Variants in PAPOLG observed in about 807,000 individuals in gnomAD.
PAPOLG encodes PAP-gamma.
In PAPOLG, 40 loss-of-function variants were observed where a neutral mutation model predicts 99.0. That is an observed-to-expected ratio of 0.40 (90% CI 0.31 to 0.53). The LOEUF is 0.53. Among genes scored for constraint, PAPOLG ranks in the 20% least tolerant of loss-of-function variants. The probability of loss-of-function intolerance (pLI) is 0.41; values close to 1 mark genes in which losing one functional copy is unlikely to be tolerated. For missense variants in PAPOLG, 675 were observed against 884.1 expected, an observed-to-expected ratio of 0.76 and a Z score of 3.00; for synonymous variants, 310 against 299.3, an observed-to-expected ratio of 1.04 and a Z score of -0.37.
chr2:60,783,037 T>C, intron 12 of PAPOLG, 119 bp from the exon 13 acceptor site: 2 of 956,930 alleles, frequency 2.1e-6, no homozygotes, highest in Non-Finnish European at 3.0e-6. Context: ...TTTCATAAAC[T>C]GTGTGCCTTT....
chr2:60,776,889 G>T (rs1671037029), intron 8 of PAPOLG, among the ~76,000 whole-genome samples: 1 of 152,138 alleles, frequency 6.6e-6, no homozygotes, highest in African/African-American at 2.4e-5. Flanking sequence ...TTGTTGTTTA[G>T]TGTAGCCACC....
intron 15 of PAPOLG, 142 bp from the exon 16 acceptor site, chr2:60,791,619 T>G: frequency 1.1e-6 from 1 of 890,984 alleles, no homozygotes; most frequent in South Asian, 2.0e-5. Context: ...TAAAAATATT[T>G]GTTTTGTGAG....
intron 15 of PAPOLG, 131 bp from the exon 16 acceptor site, chr2:60,791,630 A>C: frequency 1.0e-6 from 1 of 956,996 alleles, no homozygotes; most frequent in Non-Finnish European, 1.5e-6. Flanking sequence ...GTTTTGTGAG[A>C]GGGTTGTGGG....
intron 21 of PAPOLG, among the ~76,000 whole-genome samples, chr2:60,795,896 T>C (rs1054263930): frequency 2.0e-5 from 3 of 152,164 alleles, no homozygotes; most frequent in African/African-American, 7.2e-5. Flanking sequence ...GAAAAAATTT[T>C]GAGATGGATA....
intron 2 of PAPOLG, among the ~76,000 whole-genome samples, chr2:60,761,096 G>A (rs1242838139): frequency 1.3e-5 from 2 of 152,154 alleles, no homozygotes; most frequent in African/African-American, 4.8e-5. Flanking sequence ...GAGGGGTCAA[G>A]GATGATGGCC....
intron 19 of PAPOLG, 96 bp from the exon 20 acceptor site, chr2:60,794,614 A>G (rs1288215379): frequency 2.0e-6 from 2 of 999,950 alleles, no homozygotes; most frequent in Non-Finnish European, 3.0e-6. Context: ...TAATTTTTAT[A>G]ATAGTGTAAC....
intron 21 of PAPOLG, 39 bp from the exon 22 acceptor site, chr2:60,797,023 T>C (rs760984573): frequency 1.9e-6 from 3 of 1,611,848 alleles, no homozygotes; most frequent in African/African-American, 2.7e-5. Flanking sequence ...ATATATATGA[T>C]GTGCTTTTCC....
rs1671644308 is a variant in PAPOLG, at chr2:60,794,724, A to G, written c.2004A>G (p.Glu668=). The G allele has an allele frequency of 1.2e-6, 2 of 1,611,470 alleles. No homozygotes were observed. The highest frequency in any genetic ancestry group is 1.7e-6 in the Non-Finnish European group (2 of 1,177,928). Residue 668 remains glutamate, a synonymous_variant, in exon 20 of 22, where the codon GAA becomes GAG. Transcript: ENST00000238714. ...TTATATTTTAGTTTATTCGACTTGA[A>G]TCAACATTTAAGGACCCCCGCACTG... ...LKDVEKFIRL[E]STFKDPRTAE... is the part of the protein sequence containing the mutation.
chr2:60,777,360 G>A (rs973528486), intron 8 of PAPOLG, among the ~76,000 whole-genome samples: 2 of 152,164 alleles, frequency 1.3e-5, no homozygotes, highest in Admixed American at 1.3e-4. Context: ...GGAAGCTGAG[G>A]CAGGAGAATC....
intron 13 of PAPOLG, 29 bp downstream of exon 13, chr2:60,783,238 T>G: frequency 7.1e-7 from 1 of 1,398,812 alleles, no homozygotes; most frequent in Non-Finnish European, 9.9e-7. Flanking sequence ...GTTTTCTACC[T>G]ACTGTGTGGT....
At chr2:60,793,600 T>C in intron 17 of PAPOLG, 27 bp from the exon 18 acceptor site, 1 of 1,608,624 alleles carries the variant, frequency 6.2e-7, no homozygotes, top group Non-Finnish European at 8.5e-7. Context: ...AAATCATTTA[T>C]TGATGATAAT....
At chr2:60,786,497 C>G (rs558081973) in intron 13 of PAPOLG, among the ~76,000 whole-genome samples, 2 of 151,868 alleles carry the variant, frequency 1.3e-5, no homozygotes, top group African/African-American at 4.8e-5. Context: ...TTCCAAAGTG[C>G]TGGGATTACA....
chr2:60,779,130 T>G (rs1671117874), intron 8 of PAPOLG, among the ~76,000 whole-genome samples: 1 of 152,136 alleles, frequency 6.6e-6, no homozygotes, highest in African/African-American at 2.4e-5. Flanking sequence ...ATATCAGTGG[T>G]GTATTCTACT....
rs1481392987 is a variant in PAPOLG, at chr2:60,772,270, C to T, written c.604+640C>T. Among the ~76,000 whole-genome samples the T allele has an allele frequency of 2.6e-5, 4 of 151,942 alleles. No homozygotes were observed. The South Asian group carries it at 8.3e-4, about 31-fold the overall frequency. On this transcript the variant is annotated intron_variant, in intron 7 of 21. Coordinates refer to ENST00000238714, the MANE Select transcript of PAPOLG (RefSeq NM_022894.4). ...GACCAGCTAGGATAACATGGTGAAA[C>T]CCCATCTCTACCAAAAATAAAAAAC... is the stretch of plus-strand genomic sequence containing the variant.
intron 7 of PAPOLG, 151 bp downstream of exon 7, chr2:60,771,781 T>C: frequency 1.2e-6 from 1 of 819,398 alleles, no homozygotes; most frequent in Non-Finnish European, 1.8e-6. Context: ...CATTTAAGAA[T>C]CCTAAAAACC....
At chr2:60,759,924 A>G (rs1670473417) in intron 1 of PAPOLG, among the ~76,000 whole-genome samples, 1 of 152,190 alleles carries the variant, frequency 6.6e-6, no homozygotes, top group South Asian at 2.1e-4. Context: ...CATCCTAACC[A>G]TGAAAGCTGC....
chr2:60,782,555 T>G (rs1272059037), intron 11 of PAPOLG, 131 bp from the exon 12 acceptor site: 5 of 1,286,600 alleles, frequency 3.9e-6, no homozygotes, highest in Non-Finnish European at 4.9e-6. Flanking sequence ...AGACTCTGTC[T>G]CAAAAAAAGA....
At chr2:60,764,773 A>G (rs146617998) in intron 3 of PAPOLG, among the ~76,000 whole-genome samples, 141 of 152,214 alleles carry the variant, frequency 9.3e-4, no homozygotes, top group African/African-American at 3.3e-3. Flanking sequence ...TGTAGCTATG[A>G]TGAATATGTA....
chr2:60,793,528 C>A (rs1425052059), intron 17 of PAPOLG, 99 bp from the exon 18 acceptor site: 1 of 1,389,650 alleles, frequency 7.2e-7, no homozygotes, highest in Non-Finnish European at 9.8e-7. Context: ...TGTGCCACTG[C>A]ACTCCAACTT....
Sources: gnomAD v4.1 joint callset for allele counts (sites outside exome capture counted in the v4.1 genomes callset) on GRCh38, gnomAD v4.1.1 for gene constraint, MANE v1.5 for transcripts, NCBI Gene and HGNC (gene_info 2026-07-23, HGNC 2026-07-21) for gene names.